The following VOPP1 variants were observed in gnomAD, a reference collection of about 807,000 sequenced individuals.
VOPP1 encodes VOPP1 WW domain binding protein.
Under a neutral mutation model 23.5 loss-of-function variants are expected in VOPP1, and 8 were observed. The observed-to-expected ratio is 0.34, with a 90% CI of 0.20 to 0.61. The LOEUF (loss-of-function observed/expected upper bound fraction) is 0.61, where lower values mean the gene tolerates loss of function less well. Ranked by LOEUF, VOPP1 falls within the 20% of genes least tolerant of loss-of-function variation. The pLI is 0.78. For missense variants in VOPP1, 174 were observed against 238.1 expected (o/e 0.73, Z 1.77); for synonymous variants, 83 against 97.3 (o/e 0.85, Z 0.86).
chr7:55,561,498 T>C (rs1198595056), intron 1 of VOPP1, among the ~76,000 whole-genome samples: 1 of 151,608 alleles, frequency 6.6e-6, no homozygotes, highest in Non-Finnish European at 1.5e-5. Flanking sequence ...ATCACAAGGT[T>C]AGGAGTTCAA....
chr7:55,469,856 A>G (rs561547072), downstream of VOPP1, among the ~76,000 whole-genome samples: 178 of 152,216 alleles, frequency 1.2e-3, 1 homozygote, highest in Non-Finnish European at 1.7e-3. Context: ...ACAGACTTTT[A>G]GGGGAGGGAC....
intron 4 of VOPP1, among the ~76,000 whole-genome samples, chr7:55,440,957 G>A (rs918677634): frequency 6.6e-6 from 1 of 152,180 alleles, no homozygotes; most frequent in African/African-American, 2.4e-5. Context: ...AGAGGGGCAC[G>A]GAACACACCC....
At chr7:55,444,028 G>C (rs1041508805) in intron 4 of VOPP1, among the ~76,000 whole-genome samples, 1 of 152,166 alleles carries the variant, frequency 6.6e-6, no homozygotes, top group Non-Finnish European at 1.5e-5. Flanking sequence ...ATATGATGCA[G>C]GGAAGGGCCA....
chr7:55,473,645 G>C (rs1219883502), intron 4 of VOPP1, among the ~76,000 whole-genome samples: 1 of 152,202 alleles, frequency 6.6e-6, no homozygotes, highest in African/African-American at 2.4e-5. Context: ...GGTGACAGGA[G>C]GGTACAGGCT....
Position 55,504,185 on chromosome 7 carries a change from G to A in VOPP1, c.114-6495C>T, listed in dbSNP as rs919012148. On this transcript the variant is annotated intron_variant, in intron 2 of 4. Transcript: ENST00000285279. ...CCAGTCCCAGTCTCTCAATTTGACA[G>A]CTGGTCTGTTCTCCTCAATCACACT... Among the ~76,000 whole-genome samples, 85 of 152,138 alleles carry A rather than the reference G, an allele frequency of 5.6e-4. 1 individual carries two copies. The highest frequency in any genetic ancestry group is 2.0e-3 in the Admixed American group (30 of 15,280).
chr7:55,463,807 G>A (rs1261978373), intron 4 of VOPP1, among the ~76,000 whole-genome samples: 1 of 152,182 alleles, frequency 6.6e-6, no homozygotes, highest in Non-Finnish European at 1.5e-5. Context: ...CAGCCAGGGC[G>A]GGCCTGCCCT....
intron 4 of VOPP1, among the ~76,000 whole-genome samples, chr7:55,483,673 G>GT (rs1792910954): frequency 6.6e-6 from 1 of 152,158 alleles, no homozygotes; most frequent in African/African-American, 2.4e-5. Context: ...GGTGAATTCT[G>GT]TTACTTTCCC....
At chr7:55,483,953 C>T (rs1478642978) in intron 4 of VOPP1, among the ~76,000 whole-genome samples, 1 of 152,142 alleles carries the variant, frequency 6.6e-6, no homozygotes, top group African/African-American at 2.4e-5. Context: ...GACAGGGTTT[C>T]ATCATATCGG....
At chr7:55,487,271 A>T (rs1164516261) in intron 4 of VOPP1, among the ~76,000 whole-genome samples, 2 of 152,204 alleles carry the variant, frequency 1.3e-5, no homozygotes, top group Admixed American at 1.3e-4. Flanking sequence ...AAATGAACTC[A>T]CCACAAATGG....
At chr7:55,504,384 G>C (rs1226747368) in intron 2 of VOPP1, among the ~76,000 whole-genome samples, 1 of 152,216 alleles carries the variant, frequency 6.6e-6, no homozygotes, top group Non-Finnish European at 1.5e-5. Context: ...GCTCTCCAGA[G>C]AAACTAAACA....
rs544949114 is a variant in VOPP1 at position 55,490,601 on chromosome 7, C to T, written c.328+1681G>A. ...GTGGGGCCTCCCATGCCAAGTGGGG[C>T]AGGGGCTGCTCCTCCCTGTACTAAA... On this transcript the variant is annotated intron_variant, in intron 4 of 4. Transcript: ENST00000285279. 2.6e-5 allele frequency among the ~76,000 whole-genome samples: 4 copies of T among 152,268 alleles called. No individual in the cohort carries two copies. The East Asian group carries it at 7.7e-4, about 29-fold the overall frequency.
chr7:55,521,655 A>G, intron 1 of VOPP1: 1 of 987,506 alleles, frequency 1.0e-6, no homozygotes, highest in African/African-American at 1.7e-5. Flanking sequence ...GAACAAGGAA[A>G]GACAATGGGA....
chr7:55,517,326 C>T (rs1250953369), intron 2 of VOPP1, among the ~76,000 whole-genome samples: 1 of 151,972 alleles, frequency 6.6e-6, no homozygotes, highest in Non-Finnish European at 1.5e-5. Context: ...TATACCACTG[C>T]TGCATGAGGC....
At chr7:55,497,483 T>C (rs1794036636) in intron 3 of VOPP1, 130 bp downstream of exon 3, 2 of 788,300 alleles carry the variant, frequency 2.5e-6, no homozygotes, top group African/African-American at 3.5e-5. Context: ...ATACCCATTT[T>C]CCTGACCAAG....
intron 4 of VOPP1, among the ~76,000 whole-genome samples, chr7:55,485,010 G>A (rs1793027935): frequency 1.3e-5 from 2 of 152,204 alleles, no homozygotes; most frequent in Admixed American, 6.5e-5. Flanking sequence ...ACTGCTCCCA[G>A]AAACATAATT....
At chr7:55,548,055 T>C (rs1797444257) in intron 1 of VOPP1, among the ~76,000 whole-genome samples, 2 of 152,180 alleles carry the variant, frequency 1.3e-5, no homozygotes, top group Non-Finnish European at 1.5e-5. Context: ...ATTCTGGGAA[T>C]GGGAGGCAGG....
rs576868734 is a variant in VOPP1, at chr7:55,492,397, C to T, written c.213G>A (p.Val71=). Residue 71 remains valine (V), a synonymous_variant, in exon 4 of 5, where the codon GTG becomes GTA. Transcript: ENST00000285279. ...AGAAGCCGGCTCCGCAGCAGAAAAGCACGCCCATCATCAGAAGGAACCTGA... is the reference window on the plus strand; with the variant it reads ...AGAAGCCGGCTCCGCAGCAGAAAAGTACGCCCATCATCAGAAGGAACCTGA... ...WYFWFLLMMG[V]LFCCGAGFFI... The T allele has an allele frequency of 1.7e-5, 28 of 1,610,918 alleles. No individual in the cohort carries two copies. In the East Asian group the frequency reaches 6.0e-4, roughly 35 times the overall value.
At chr7:55,495,212 T>C (rs576952172) in intron 3 of VOPP1, among the ~76,000 whole-genome samples, 21 of 152,160 alleles carry the variant, frequency 1.4e-4, no homozygotes, top group Non-Finnish European at 2.8e-4. Flanking sequence ...GGGCCCACTG[T>C]GCTTTCTGAG....
intron 1 of VOPP1, among the ~76,000 whole-genome samples, chr7:55,551,764 G>A (rs928051359): frequency 1.3e-5 from 2 of 152,168 alleles, no homozygotes. Context: ...TGAAGGCTGG[G>A]CGGGGTGGCT....
Sources: gnomAD v4.1 joint callset for allele counts (sites outside exome capture counted in the v4.1 genomes callset) on GRCh38, gnomAD v4.1.1 for gene constraint, MANE v1.5 for transcripts, NCBI Gene and HGNC (gene_info 2026-07-23, HGNC 2026-07-21) for gene names.